NOX4: variants seen among roughly 807,000 people sequenced by gnomAD.
NOX4 encodes NADPH oxidase 4, also known as kidney oxidase-1.
A neutral mutation model predicts 87.6 loss-of-function variants in NOX4; 69 were observed. The observed-to-expected ratio is 0.79, with a 90% CI of 0.65 to 0.96. The LOEUF (loss-of-function observed/expected upper bound fraction) is 0.96. Among genes scored for constraint, NOX4 ranks in the 40% least tolerant of loss-of-function variants. NOX4 has a pLI of 0.00. For synonymous variants in NOX4, 275 were observed against 238.2 expected, an observed-to-expected ratio of 1.15 and a Z score of -1.42; for missense variants, 680 against 681.5, an observed-to-expected ratio of 1.00 and a Z score of 0.02.
the NOX4 span, among the ~76,000 whole-genome samples, chr11:89,566,043 CTTTTTTTTTTT>C: frequency 8.1e-6 from 1 of 122,862 alleles, no homozygotes; most frequent in Admixed American, 8.5e-5. Flanking sequence ...TTCTTTTTTT[CTTTTTTTTTTT>C]TTTTTTGAGA....
At chr11:89,514,829 A>G in the NOX4 span, among the ~76,000 whole-genome samples, 13 of 151,918 alleles carry the variant, frequency 8.6e-5, no homozygotes, top group Admixed American at 1.3e-4. Context: ...AATTTTGCCT[A>G]TTCTTGAGTG....
At chr11:89,491,458 C>G (rs1946853014), upstream of NOX4, 2 of 532,904 alleles carry the variant, frequency 3.8e-6, no homozygotes, top group Non-Finnish European at 6.6e-6. Flanking sequence ...CTGACTCCCA[C>G]CCGCACCGGG....
intron 12 of NOX4, among the ~76,000 whole-genome samples, chr11:89,369,740 A>ATTTG (rs1353161004): frequency 4.3e-5 from 3 of 69,480 alleles, no homozygotes; most frequent in East Asian, 4.5e-4. Context: ...TGATTTATTT[A>ATTTG]TTTATTTGTT....
At chr11:89,373,298 A>AAAAAAAAAC (rs1491198548) in intron 12 of NOX4, 134 bp downstream of exon 12, 1 of 383,564 alleles carries the variant, frequency 2.6e-6, no homozygotes, top group African/African-American at 2.6e-5. Context: ...AAAAAAAAAA[A>AAAAAAAAAC]CAAAAAAAAA....
At chr11:89,524,703 C>G in the NOX4 span, among the ~76,000 whole-genome samples, 1 of 151,866 alleles carries the variant, frequency 6.6e-6, no homozygotes, top group African/African-American at 2.4e-5. Flanking sequence ...TTTTAATTGA[C>G]AGATATAATT....
intron 13 of NOX4, among the ~76,000 whole-genome samples, chr11:89,353,163 C>G (rs1042785243): frequency 3.3e-5 from 5 of 152,168 alleles, no homozygotes; most frequent in Admixed American, 3.3e-4. Context: ...GCTGAAATGA[C>G]AATTTACTTG....
chr11:89,412,472 C>A (rs11018606), intron 8 of NOX4, among the ~76,000 whole-genome samples: 13,864 of 151,906 alleles, frequency 0.091, 798 homozygotes, highest in South Asian at 0.2. Flanking sequence ...CCTTTCCTGA[C>A]CACAATGGAA....
At chr11:89,366,700 G>GAAAAAAAAAAA (rs11314993) in intron 12 of NOX4, among the ~76,000 whole-genome samples, 1 of 113,118 alleles carries the variant, frequency 8.8e-6, no homozygotes, top group African/African-American at 2.9e-5. Flanking sequence ...AAACTGAAAA[G>GAAAAAAAAAAA]AAAAAAAAAA....
chr11:89,454,039 G>A (rs765116577), intron 2 of NOX4, among the ~76,000 whole-genome samples: 1 of 151,938 alleles, frequency 6.6e-6, no homozygotes, highest in African/African-American at 2.4e-5. Context: ...GAAAGCCCAG[G>A]TATAAATATT....
chr11:89,337,760 T>G (rs1945780200), intron 15 of NOX4, among the ~76,000 whole-genome samples: 1 of 152,078 alleles, frequency 6.6e-6, no homozygotes, highest in South Asian at 2.1e-4. Flanking sequence ...AATAATTTTC[T>G]GTTATCTTTA....
upstream of NOX4, among the ~76,000 whole-genome samples, chr11:89,496,780 C>T (rs1174023307): frequency 2.0e-5 from 3 of 152,254 alleles, no homozygotes; most frequent in Non-Finnish European, 4.4e-5. Flanking sequence ...GAAGCTCTCT[C>T]TCTCCTCTCT....
intron 12 of NOX4, among the ~76,000 whole-genome samples, chr11:89,356,533 A>G (rs1451389212): frequency 1.3e-5 from 2 of 152,112 alleles, no homozygotes; most frequent in Non-Finnish European, 2.9e-5. Context: ...AGGAATAGGT[A>G]TGCATTACCT....
rs377461375 is a variant in NOX4 at position 89,400,362 on chromosome 11, A to G, written c.864T>C (p.Ser288=). The G allele has an allele frequency of 2.5e-4, 402 of 1,581,570 alleles. No individual in the cohort carries two copies. Among genetic ancestry groups the G allele is most frequent in the South Asian group, 2.3e-3 (191 of 83,410 alleles). ...ANFPQTWLWI[S]GPLCLYCAER... Reference sequence around the variant, plus strand: ...CGGCACAGTACAGGCACAAAGGTCCAGAAATCCAAAGCCAAGTCTAAGACA... The same window carrying G: ...CGGCACAGTACAGGCACAAAGGTCCGGAAATCCAAAGCCAAGTCTAAGACA... Residue 288 remains serine, a synonymous_variant, in exon 10 of 18, where the codon TCT becomes TCC. Transcript: ENST00000263317.
At chr11:89,537,942 T>C in the NOX4 span, among the ~76,000 whole-genome samples, 1 of 152,212 alleles carries the variant, frequency 6.6e-6, no homozygotes, top group South Asian at 2.1e-4. Flanking sequence ...CCTACTTTGA[T>C]AACCTCTCTT....
chr11:89,587,858 C>T, the NOX4 span, among the ~76,000 whole-genome samples: 1 of 152,076 alleles, frequency 6.6e-6, no homozygotes, highest in Non-Finnish European at 1.5e-5. Context: ...TTTGAAGACA[C>T]TGGAGAACAG....
At chr11:89,531,097 A>T in the NOX4 span, among the ~76,000 whole-genome samples, 1 of 152,290 alleles carries the variant, frequency 6.6e-6, no homozygotes, top group Non-Finnish European at 1.5e-5. Flanking sequence ...TTTACTTGCA[A>T]TCTAAGAGTT....
chr11:89,341,564 A>G (rs1484823722), intron 14 of NOX4, among the ~76,000 whole-genome samples: 1 of 152,204 alleles, frequency 6.6e-6, no homozygotes, highest in Non-Finnish European at 1.5e-5. Context: ...TTCCATATCC[A>G]TTAATGTCTA....
At chr11:89,348,747 C>A (rs965806473) in intron 13 of NOX4, among the ~76,000 whole-genome samples, 2 of 152,182 alleles carry the variant, frequency 1.3e-5, no homozygotes, top group Admixed American at 6.5e-5. Context: ...TGGGAGTAAT[C>A]CCTCAATGAC....
chr11:89,581,474 C>T, the NOX4 span, among the ~76,000 whole-genome samples: 8 of 152,206 alleles, frequency 5.3e-5, no homozygotes, highest in African/African-American at 1.9e-4. Context: ...ATTGAATTTC[C>T]TTTTTCTTAA....
Sources: gnomAD v4.1 joint callset for allele counts (sites outside exome capture counted in the v4.1 genomes callset) on GRCh38, gnomAD v4.1.1 for gene constraint, MANE v1.5 for transcripts, NCBI Gene and HGNC (gene_info 2026-07-23, HGNC 2026-07-21) for gene names.